Variants in LIMD1 observed in about 807,000 individuals in gnomAD.
LIMD1 encodes LIM domain-containing protein 1.
LIMD1 carries 23 observed loss-of-function variants against 58.4 expected under a neutral mutation model. The observed-to-expected ratio is 0.39, with a 90% CI of 0.28 to 0.56. The LOEUF (loss-of-function observed/expected upper bound fraction) is 0.56. Ranked by LOEUF, LIMD1 falls within the 20% of genes least tolerant of loss-of-function variation. The pLI, the probability that LIMD1 is intolerant of heterozygous loss-of-function variation, is 0.57. For synonymous variants in LIMD1, 334 were observed against 345.5 expected (o/e 0.97, Z 0.37); for missense variants, 838 against 855.5 (o/e 0.98, Z 0.25).
intron 1 of LIMD1, among the ~76,000 whole-genome samples, chr3:45,608,152 G>A (rs977512545): frequency 6.6e-6 from 1 of 152,208 alleles, no homozygotes; most frequent in Non-Finnish European, 1.5e-5. Flanking sequence ...GCCTGATTGT[G>A]CTGCTTTCTG....
intron 2 of LIMD1, among the ~76,000 whole-genome samples, chr3:45,656,576 G>A (rs1702029958): frequency 6.6e-6 from 1 of 151,418 alleles, no homozygotes; most frequent in Non-Finnish European, 1.5e-5. Flanking sequence ...GGAGTGCAGT[G>A]GTGCAATCTC....
rs762040882 is a variant in LIMD1, at chr3:45,594,837, ACACACACG to A, written c.-42_-35del. 4.1e-5 allele frequency: 47 copies of A among 1,146,712 alleles called. 1 individual carries two copies. In the African/African-American group the frequency reaches 7.4e-4, roughly 18 times the overall value. 71.0% of individuals were successfully genotyped at this position (1,146,712 alleles called of 1,614,324 possible). On this transcript the variant is annotated 5_prime_UTR_variant, in exon 1 of 8. Transcript: ENST00000273317. ...CACACACACACACACACACACACAC[ACACACACG>A]GCACCTGGGCTAGGCCCGGACACCT...
intron 2 of LIMD1, among the ~76,000 whole-genome samples, chr3:45,656,508 C>G (rs189356759): frequency 2.5e-4 from 37 of 150,592 alleles, no homozygotes; most frequent in African/African-American, 9.0e-4. Context: ...AAGTGAGTTT[C>G]CTTTTTCTTT....
intron 1 of LIMD1, among the ~76,000 whole-genome samples, chr3:45,617,831 T>C (rs1045052448): frequency 6.6e-6 from 1 of 152,028 alleles, no homozygotes; most frequent in Non-Finnish European, 1.5e-5. Flanking sequence ...GTGGGGAAAT[T>C]GGAGAGAATA....
intron 2 of LIMD1, among the ~76,000 whole-genome samples, chr3:45,656,675 A>G (rs983530505): frequency 6.6e-6 from 1 of 151,630 alleles, no homozygotes; most frequent in Admixed American, 6.6e-5. Flanking sequence ...GCACCACCAC[A>G]CCCAGCTGGT....
At chr3:45,605,808 G>C (rs1174270156) in intron 1 of LIMD1, among the ~76,000 whole-genome samples, 1 of 152,234 alleles carries the variant, frequency 6.6e-6, no homozygotes, top group Non-Finnish European at 1.5e-5. Flanking sequence ...CACTGTCCTT[G>C]TTTGTACCGG....
At chr3:45,646,684 C>T (rs1195467595) in intron 2 of LIMD1, among the ~76,000 whole-genome samples, 1 of 151,160 alleles carries the variant, frequency 6.6e-6, no homozygotes, top group East Asian at 2.0e-4. Context: ...GCCTCTTGTT[C>T]CTAAATCTTT....
intron 1 of LIMD1, among the ~76,000 whole-genome samples, chr3:45,605,591 GA>G (rs1701460957): frequency 1.3e-5 from 2 of 152,202 alleles, no homozygotes; most frequent in Non-Finnish European, 2.9e-5. Flanking sequence ...ATCATTTACT[GA>G]GCTAAAGGCC....
chr3:45,635,278 C>T (rs1701774637), intron 1 of LIMD1, among the ~76,000 whole-genome samples: 1 of 152,016 alleles, frequency 6.6e-6, no homozygotes, highest in Admixed American at 6.6e-5. Flanking sequence ...GATGATCTCC[C>T]TATGTTGCCC....
rs780143832 is a variant in LIMD1, at chr3:45,595,529, C to G, written c.650C>G (p.Pro217Arg). 1.5e-5 allele frequency: 24 copies of G among 1,614,028 alleles called. No homozygotes were observed. The highest frequency in any genetic ancestry group is 1.6e-4 in the Middle Eastern group (1 of 6,082). ...GWPSSPGSDP[P>R]LPKPCGDHPL... Reference sequence around the variant, plus strand: ...CCTAGCTCCCCGGGGAGTGACCCACCACTGCCCAAACCCTGCGGGGACCAT... The same window carrying G: ...CCTAGCTCCCCGGGGAGTGACCCACGACTGCCCAAACCCTGCGGGGACCAT... The change falls in exon 1 of 8, where the codon CCA becomes CGA. Residue 217 changes from proline to arginine, a missense_variant. By Grantham distance (103) the Pro-to-Arg change is moderately radical (BLOSUM62 -2). Around this residue, in one of 3 missense-constraint regions of LIMD1, gnomAD observed 659 missense variants for 639.8 expected, o/e 1.03. Coordinates refer to ENST00000273317, the MANE Select transcript of LIMD1 (RefSeq NM_014240.3).
At position 45,679,450 on chromosome 3, in the gene LIMD1, A is replaced by T. The variant is rs1206786678; in HGVS notation, c.*2391A>T. On this transcript the variant is annotated 3_prime_UTR_variant, in exon 8 of 8. Coordinates refer to ENST00000273317, the MANE Select transcript of LIMD1 (RefSeq NM_014240.3). ...CGGTATTTTAAATGTTCTGTAAATTATTAGCCAAATAGAACTGTAATGGGG... is the reference window on the plus strand; with the variant it reads ...CGGTATTTTAAATGTTCTGTAAATTTTTAGCCAAATAGAACTGTAATGGGG... 6.6e-6 allele frequency: 1 copy of T among 152,236 alleles called. No homozygotes were observed. The highest frequency in any genetic ancestry group is 2.4e-5 in the African/African-American group (1 of 41,454). 9.4% of individuals were successfully genotyped at this position (152,236 alleles called of 1,614,324 possible).
At chr3:45,627,018 C>G (rs1317722829) in intron 1 of LIMD1, among the ~76,000 whole-genome samples, 1 of 152,026 alleles carries the variant, frequency 6.6e-6, no homozygotes, top group Admixed American at 6.6e-5. Context: ...AATGATCTTT[C>G]AAAAATCCAC....
intron 1 of LIMD1, chr3:45,632,616 A>G (rs1701746737): frequency 2.2e-6 from 2 of 915,686 alleles, no homozygotes; most frequent in Non-Finnish European, 2.6e-6. Flanking sequence ...TTCAACTCAC[A>G]CTTGTTTCCT....
At chr3:45,623,071 G>A (rs950359325) in intron 1 of LIMD1, among the ~76,000 whole-genome samples, 8 of 152,144 alleles carry the variant, frequency 5.3e-5, no homozygotes, top group Middle Eastern at 3.2e-3. Flanking sequence ...TCTACACCTC[G>A]GTGACACTGT....
intron 1 of LIMD1, among the ~76,000 whole-genome samples, chr3:45,600,750 C>T (rs997667104): frequency 6.6e-6 from 1 of 152,176 alleles, no homozygotes; most frequent in African/African-American, 2.4e-5. Context: ...TCACACTGGT[C>T]CTCTTCTCCC....
At chr3:45,614,896 C>CT (rs574157783) in intron 1 of LIMD1, among the ~76,000 whole-genome samples, 30 of 151,254 alleles carry the variant, frequency 2.0e-4, no homozygotes, top group South Asian at 8.4e-4. Flanking sequence ...TTAGGATAGA[C>CT]TTTTTTTTCT....
At position 45,665,586 on chromosome 3, in the gene LIMD1, C is replaced by T. The variant is rs763575920; in HGVS notation, c.1511-64C>T. ...CCTAAAGATTTTGCTTTTCACTTTTCACTTTTTCCACTGCATATTAAAATT... is the reference window on the plus strand; with the variant it reads ...CCTAAAGATTTTGCTTTTCACTTTTTACTTTTTCCACTGCATATTAAAATT... On this transcript the variant is annotated intron_variant, in intron 2 of 7. Coordinates refer to ENST00000273317, the MANE Select transcript of LIMD1 (RefSeq NM_014240.3). The T allele has an allele frequency of 8.2e-5, 110 of 1,340,170 alleles. 1 individual carries two copies. Among genetic ancestry groups the T allele is most frequent in the Admixed American group, 4.0e-4 (22 of 55,264 alleles). 83.0% of individuals were successfully genotyped at this position (1,340,170 alleles called of 1,614,324 possible).
intron 1 of LIMD1, among the ~76,000 whole-genome samples, chr3:45,619,830 C>CT (rs1328308347): frequency 7.9e-4 from 14 of 17,698 alleles, no homozygotes; most frequent in African/African-American, 1.5e-3. Context: ...AACCCCCCGC[C>CT]CCCCCCCCCA....
rs1404973867 is a variant in LIMD1 at position 45,595,870 on chromosome 3, G to A, written c.991G>A (p.Val331Met). ...TTCAGGTGTGATGTCCAAACCCAAT[G>A]TGGACCCCCAACCCTGGTTCCAGGA... ...EVSGVMSKPN[V>M]DPQPWFQDGP... The change falls in exon 1 of 8, where the codon GTG (valine) becomes ATG (methionine). Residue 331 changes from valine (V) to methionine (M), a missense_variant. Coordinates refer to ENST00000273317, the MANE Select transcript of LIMD1 (RefSeq NM_014240.3). The A allele has an allele frequency of 4.3e-6, 7 of 1,614,208 alleles. No individual in the cohort carries two copies. The highest frequency in any genetic ancestry group is 1.1e-5 in the South Asian group (1 of 91,082).
Sources: allele counts gnomAD v4.1 joint callset (sites outside exome capture counted in the v4.1 genomes callset), GRCh38; gene constraint gnomAD v4.1.1; regional missense constraint gnomAD v4.1.1; transcripts MANE v1.5; gene names NCBI Gene and HGNC (gene_info 2026-07-23, HGNC 2026-07-21).